The following RRAGC variants were observed in gnomAD, a reference collection of about 807,000 sequenced individuals.
The protein encoded by RRAGC is Ras related GTP binding C.
Under a neutral mutation model 37.1 loss-of-function variants are expected in RRAGC, and 8 were observed. The ratio of observed to expected loss-of-function variants is 0.22; its 90% CI spans 0.13 to 0.39. The LOEUF (loss-of-function observed/expected upper bound fraction) is 0.39. Ranked by LOEUF, RRAGC falls within the 10% of genes least tolerant of loss-of-function variation. RRAGC has a pLI of 1.00. For synonymous variants in RRAGC, 190 were observed against 181.1 expected, an observed-to-expected ratio of 1.05 and a Z score of -0.39; for missense variants, 342 against 497.6, an observed-to-expected ratio of 0.69 and a Z score of 2.98.
Position 38,839,662 on chromosome 1 carries a change from T to C in RRAGC, c.1091A>G (p.His364Arg), listed in dbSNP as rs1315953632. Residue 364 changes from histidine (H) to arginine (R), a missense_variant, in exon 7 of 7, where the codon CAT becomes CGT. His to Arg is a conservative substitution (Grantham distance 29). Coordinates refer to ENST00000373001, the MANE Select transcript of RRAGC (RefSeq NM_022157.4). Reference protein sequence around the residue: ...YNFHCFRKAIHEVFEVGVTSH... With the variant: ...YNFHCFRKAIREVFEVGVTSH... ...AGTCACACCCACCTCAAAAACCTCA[T>C]GAATAGCTTTTCGGAAACAGTGGAA... 1 of 1,614,148 alleles carries C rather than the reference T, an allele frequency of 6.2e-7. No homozygotes were observed.
chr1:38,855,637 T>C, intron 3 of RRAGC, 71 bp downstream of exon 3: 1 of 1,216,852 alleles, frequency 8.2e-7, no homozygotes, highest in South Asian at 1.2e-5. Flanking sequence ...GCTATGGTGT[T>C]TGTAATGACA....
chr1:38,852,256 A>T (rs2124228210), intron 4 of RRAGC, 118 bp downstream of exon 4: 1 of 688,756 alleles, frequency 1.5e-6, no homozygotes, highest in East Asian at 2.6e-5. Context: ...GTGGGTCACT[A>T]GTCTTTGTAC....
In RRAGC at chr1:38,855,804, C is replaced by T. The variant is rs1401684150; in HGVS notation, c.545G>A (p.Gly182Asp). The T allele has an allele frequency of 6.2e-7, 1 of 1,613,780 alleles. No individual in the cohort carries two copies. Among genetic ancestry groups the T allele is most frequent in the Non-Finnish European group, 8.5e-7 (1 of 1,179,686 alleles). The change falls in exon 3 of 7, where the codon GGT becomes GAT. Residue 182 changes from glycine to aspartate, a missense_variant. Physicochemically the swap from Gly to Asp is moderately conservative, Grantham distance 94. This residue lies in a region of RRAGC where 134 missense variants were observed against 277.2 expected (regional missense o/e 0.48). Coordinates refer to ENST00000373001, the MANE Select transcript of RRAGC (RefSeq NM_022157.4). ...TTCTATTTTGTGATCATCAGACAGA[C>T]CATCAACTTTGTGAATAAAAACCTC... is the stretch of plus-strand genomic sequence containing the variant. ...NFEVFIHKVDGLSDDHKIETQ... is the reference protein window; with the variant it reads ...NFEVFIHKVDDLSDDHKIETQ...
intron 6 of RRAGC, among the ~76,000 whole-genome samples, chr1:38,843,768 T>C (rs372093541): frequency 6.7e-6 from 1 of 149,640 alleles, no homozygotes; most frequent in South Asian, 2.1e-4. Flanking sequence ...TTGCAGTAAA[T>C]AACAGAGCTA....
intron 6 of RRAGC, among the ~76,000 whole-genome samples, chr1:38,844,918 C>T (rs1425097780): frequency 6.6e-6 from 1 of 152,184 alleles, no homozygotes; most frequent in Admixed American, 6.5e-5. Flanking sequence ...ATCAAAACCA[C>T]AGTGAGATAC....
chr1:38,853,410 C>CGT (rs1187357438), intron 3 of RRAGC, among the ~76,000 whole-genome samples: 86 of 152,282 alleles, frequency 5.6e-4, no homozygotes, highest in Admixed American at 3.9e-3. Context: ...CACATTTATA[C>CGT]GTATATATAA....
rs374093202 is a variant in RRAGC, at chr1:38,841,326, T to G, written c.1049-1622A>C. On this transcript the variant is annotated intron_variant, in intron 6 of 6. Transcript: ENST00000373001. ...CTGAATGCATAGGGACTCCTCGTGC[T>G]GCTCCACCTTTGTATACACCTGAAA... Among the ~76,000 whole-genome samples the G allele has an allele frequency of 1.1e-4, 16 of 152,226 alleles. 1 individual carries two copies. The highest frequency in any genetic ancestry group is 3.6e-4 in the African/African-American group (15 of 41,548).
At chr1:38,842,749 A>T (rs958360934) in intron 6 of RRAGC, among the ~76,000 whole-genome samples, 2 of 152,220 alleles carry the variant, frequency 1.3e-5, no homozygotes, top group East Asian at 3.9e-4. Flanking sequence ...TGAAATTTTT[A>T]AAATAATCCA....
chr1:38,842,588 A>T (rs1181740379), intron 6 of RRAGC, among the ~76,000 whole-genome samples: 1 of 152,240 alleles, frequency 6.6e-6, no homozygotes. Context: ...TGAAAATAGT[A>T]AAGTCACTTT....
chr1:38,843,188 G>A (rs1490751801), intron 6 of RRAGC, among the ~76,000 whole-genome samples: 2 of 152,052 alleles, frequency 1.3e-5, no homozygotes, highest in African/African-American at 4.8e-5. Context: ...AAATTAGCCA[G>A]TATCCTGTAG....
chr1:38,855,442 C>A (rs913672126), intron 3 of RRAGC, among the ~76,000 whole-genome samples: 2 of 152,022 alleles, frequency 1.3e-5, no homozygotes, highest in Non-Finnish European at 2.9e-5. Context: ...GAAGAAACAG[C>A]CTGACTCCAG....
chr1:38,852,765 T>C (rs2124228859), intron 3 of RRAGC: 2 of 192,636 alleles, frequency 1.0e-5, no homozygotes, highest in South Asian at 3.4e-4. Flanking sequence ...GTCTTTGCAA[T>C]CTGATCCAAA....
intron 6 of RRAGC, among the ~76,000 whole-genome samples, chr1:38,845,287 A>G (rs1212534808): frequency 6.6e-6 from 1 of 152,248 alleles, no homozygotes; most frequent in African/African-American, 2.4e-5. Context: ...ATGGAATATT[A>G]TGCAGCCATA....
At chr1:38,846,313 T>C (rs1214889703) in intron 5 of RRAGC, 1 of 434,932 alleles carries the variant, frequency 2.3e-6, no homozygotes, top group East Asian at 4.3e-5. Context: ...ATATAGATAA[T>C]CAGACATTTG....
At position 38,839,321 on chromosome 1, in the gene RRAGC, G is replaced by A. The variant is rs916538081; in HGVS notation, c.*232C>T. 5 of 419,154 alleles carry A rather than the reference G, an allele frequency of 1.2e-5. No homozygotes were observed. The Admixed American group carries it at 1.9e-4, about 16-fold the overall frequency. The allele number at this position is 419,154 out of a possible 1,614,324, so 26.0% of individuals were successfully genotyped here. On this transcript the variant is annotated 3_prime_UTR_variant, in exon 7 of 7. Transcript: ENST00000373001. ...GAGAAACACACACTTGAGTTCTGTG[G>A]TCTCCAGAATTTTTTTTTTTTTTTT... is the stretch of plus-strand genomic sequence containing the variant.
intron 6 of RRAGC, among the ~76,000 whole-genome samples, chr1:38,845,569 A>G (rs1642018251): frequency 6.6e-6 from 1 of 152,168 alleles, no homozygotes; most frequent in Admixed American, 6.5e-5. Flanking sequence ...GCACATATAT[A>G]CCTATGTAGC....
At chr1:38,848,824 A>G (rs1362378677) in intron 5 of RRAGC, among the ~76,000 whole-genome samples, 1 of 152,056 alleles carries the variant, frequency 6.6e-6, no homozygotes, top group Non-Finnish European at 1.5e-5. Context: ...GTCTCTACAA[A>G]AAAGTAAAAT....
At position 38,845,973 on chromosome 1, in the gene RRAGC, G is replaced by A. The variant is rs1642023184; in HGVS notation, c.1014C>T (p.Val338=). 5.6e-6 allele frequency: 9 copies of A among 1,613,286 alleles called. No homozygotes were observed. Among genetic ancestry groups the A allele is most frequent in the Non-Finnish European group, 7.6e-6 (9 of 1,179,616 alleles). ...LKEVTKFLAL[V]CILREESFER... ...CAAAGCTTTCTTCCCTTAGAATGCAGACCAGTGCCAAAAATTTAGTCACCT... is the reference window on the plus strand; with the variant it reads ...CAAAGCTTTCTTCCCTTAGAATGCAAACCAGTGCCAAAAATTTAGTCACCT... The change falls in exon 6 of 7, where the codon GTC becomes GTT. Residue 338 remains valine (V), a synonymous_variant. Transcript: ENST00000373001.
At chr1:38,846,197 T>C (rs1337085027) in intron 5 of RRAGC, 110 bp from the exon 6 acceptor site, 7 of 852,698 alleles carry the variant, frequency 8.2e-6, no homozygotes, top group Non-Finnish European at 1.3e-5. Flanking sequence ...TGGGAAAGAA[T>C]ACTGGCTTAA....
Sources: allele counts gnomAD v4.1 joint callset (sites outside exome capture counted in the v4.1 genomes callset), GRCh38; gene constraint gnomAD v4.1.1; regional missense constraint gnomAD v4.1.1; transcripts MANE v1.5; gene names NCBI Gene and HGNC (gene_info 2026-07-23, HGNC 2026-07-21).